The following CIMIP4 variants were observed in gnomAD, a reference collection of about 807,000 sequenced individuals.
CIMIP4 encodes the protein protein EAN57.
At chr22:37,001,701 G>T in the CIMIP4 span, 1 of 914,868 alleles carries the variant, frequency 1.1e-6, no homozygotes, top group Non-Finnish European at 1.6e-6. Flanking sequence ...AGTGCACAGT[G>T]TTTGGCACAC....
At chr22:36,994,755 C>G in the CIMIP4 span, among the ~76,000 whole-genome samples, 152 of 151,910 alleles carry the variant, frequency 1.0e-3, 4 homozygotes, top group South Asian at 0.031. Flanking sequence ...CTCAGCCTCC[C>G]GAGTAGCTGG....
the CIMIP4 span, among the ~76,000 whole-genome samples, chr22:36,996,881 G>A: frequency 6.6e-6 from 1 of 152,208 alleles, no homozygotes; most frequent in Non-Finnish European, 1.5e-5. Context: ...AAACCTGATG[G>A]ATAACAGAAG....
the CIMIP4 span, among the ~76,000 whole-genome samples, chr22:37,000,809 C>G: frequency 6.6e-6 from 1 of 152,144 alleles, no homozygotes; most frequent in East Asian, 1.9e-4. Context: ...CAGAGTCAAC[C>G]TCAAATTGGG....
At chr22:36,994,609 T>C in the CIMIP4 span, among the ~76,000 whole-genome samples, 1 of 148,796 alleles carries the variant, frequency 6.7e-6, no homozygotes, top group Non-Finnish European at 1.5e-5. Context: ...CCTTGTGATC[T>C]GCCTGGCTCC....
the CIMIP4 span, chr22:37,001,832 G>A: frequency 6.4e-7 from 1 of 1,563,954 alleles, no homozygotes; most frequent in Non-Finnish European, 8.7e-7. Context: ...CCCCTGCTAT[G>A]ACACCTGCTC....
the CIMIP4 span, among the ~76,000 whole-genome samples, chr22:36,995,855 G>T: frequency 6.6e-6 from 1 of 152,048 alleles, no homozygotes; most frequent in African/African-American, 2.4e-5. Flanking sequence ...CCCAGTCTCA[G>T]GTATGTTTTT....
the CIMIP4 span, chr22:36,991,182 G>C: frequency 6.2e-7 from 1 of 1,613,958 alleles, no homozygotes; most frequent in Non-Finnish European, 8.5e-7. Flanking sequence ...GTCAAAACTA[G>C]TACTTGGAGC....
the CIMIP4 span, among the ~76,000 whole-genome samples, chr22:37,003,202 TC>T: frequency 1.3e-5 from 2 of 152,224 alleles, no homozygotes; most frequent in Admixed American, 6.5e-5. Context: ...GTATGAGGAT[TC>T]CCTAGGCTCT....
the CIMIP4 span, among the ~76,000 whole-genome samples, chr22:37,002,867 C>A: frequency 6.6e-6 from 1 of 152,160 alleles, no homozygotes; most frequent in African/African-American, 2.4e-5. Flanking sequence ...CTCCTCCCTT[C>A]GCCAGGGCTG....
the CIMIP4 span, chr22:37,007,713 T>G: frequency 6.6e-6 from 1 of 152,294 alleles, no homozygotes; most frequent in African/African-American, 2.4e-5. Flanking sequence ...TGGCCCTTCA[T>G]AAGTCTCTGC....
At chr22:36,992,828 T>G in the CIMIP4 span, among the ~76,000 whole-genome samples, 2 of 151,748 alleles carry the variant, frequency 1.3e-5, no homozygotes, top group African/African-American at 4.8e-5. Flanking sequence ...TAAAAAGATG[T>G]GGGCTGGGCG....
chr22:37,006,645 G>T, the CIMIP4 span, among the ~76,000 whole-genome samples: 1 of 152,170 alleles, frequency 6.6e-6, no homozygotes, highest in Non-Finnish European at 1.5e-5. Context: ...AATAGGATGA[G>T]AATTTTAAAG....
chr22:37,002,136 C>G, the CIMIP4 span: 1 of 1,545,336 alleles, frequency 6.5e-7, no homozygotes, highest in South Asian at 1.2e-5. Flanking sequence ...TGGCACTGCC[C>G]TAGGGAGCTG....
chr22:37,004,164 C>A, the CIMIP4 span: 1 of 701,674 alleles, frequency 1.4e-6, no homozygotes, highest in South Asian at 2.1e-5. Flanking sequence ...GCCCCTGGTG[C>A]CCTCTGGCAC....
At chr22:37,002,059 C>T in the CIMIP4 span, 1 of 1,608,274 alleles carries the variant, frequency 6.2e-7, no homozygotes, top group African/African-American at 1.3e-5. Flanking sequence ...GGGACCTGGA[C>T]TGTGGGTCCA....
the CIMIP4 span, among the ~76,000 whole-genome samples, chr22:36,993,879 C>T: frequency 1.3e-5 from 2 of 152,120 alleles, no homozygotes; most frequent in African/African-American, 4.8e-5. Flanking sequence ...GATGACACTA[C>T]AGAAAATGTT....
the CIMIP4 span, among the ~76,000 whole-genome samples, chr22:36,993,937 G>A: frequency 6.6e-6 from 1 of 152,068 alleles, no homozygotes; most frequent in Admixed American, 6.5e-5. Context: ...CACAAAGAGA[G>A]GATAAACATG....
chr22:37,007,587 C>T, the CIMIP4 span: 1 of 152,208 alleles, frequency 6.6e-6, no homozygotes, highest in Non-Finnish European at 1.5e-5. Context: ...AGAGAGAGAT[C>T]CCAAGAGACT....
At chr22:37,002,226 T>G in the CIMIP4 span, 3 of 1,458,716 alleles carry the variant, frequency 2.1e-6, no homozygotes, top group African/African-American at 4.3e-5. Flanking sequence ...TCCAAGGAAC[T>G]GTAGGCCGCT....
Sources: gnomAD v4.1 joint callset for allele counts (sites outside exome capture counted in the v4.1 genomes callset) on GRCh38, gnomAD v4.1.1 for gene constraint, MANE v1.5 for transcripts, NCBI Gene and HGNC (gene_info 2026-07-23, HGNC 2026-07-21) for gene names.